Variants in PPP6R2 observed in about 807,000 individuals in gnomAD.
PPP6R2 encodes serine/threonine-protein phosphatase 6 regulatory subunit 2.
Under a neutral mutation model 100.2 loss-of-function variants are expected in PPP6R2, and 62 were observed. The observed-to-expected ratio is 0.62, with a 90% CI of 0.50 to 0.76. PPP6R2 has a LOEUF of 0.76. Among genes scored for constraint, PPP6R2 ranks in the 30% least tolerant of loss-of-function variants. PPP6R2 has a pLI of 0.00. For missense variants in PPP6R2, 1,142 were observed against 1,276.3 expected (o/e 0.89, Z 1.60); for synonymous variants, 525 against 514.7 (o/e 1.02, Z -0.27).
Position 50,391,701 on chromosome 22 carries a change from TG to T in PPP6R2, c.-16-2191del, listed in dbSNP as rs1314883399. 3.3e-5 allele frequency among the ~76,000 whole-genome samples: 4 copies of T among 122,560 alleles called. No homozygotes were observed. The East Asian group carries it at 8.9e-4, about 27-fold the overall frequency. 80.4% of individuals were successfully genotyped at this position (122,560 alleles called of 152,430 possible). On this transcript the variant is annotated intron_variant, in intron 2 of 23. Coordinates refer to ENST00000612753, the MANE Select transcript of PPP6R2 (RefSeq NM_001242898.2). ...GTTGAATTTATGTCTGGTATCTTGC[TG>T]TTTTTTTTTTTTATTTTGTCTCCTC...
At chr22:50,416,474 C>T (rs2060554928) in intron 6 of PPP6R2, among the ~76,000 whole-genome samples, 1 of 151,708 alleles carries the variant, frequency 6.6e-6, no homozygotes, top group South Asian at 2.1e-4. Flanking sequence ...CACACCCAGC[C>T]TCTAGGCTGT....
chr22:50,337,208 AGTGT>A, the PPP6R2 span, among the ~76,000 whole-genome samples: 66,324 of 133,030 alleles, frequency 0.5, 16,540 homozygotes, highest in African/African-American at 0.71. Flanking sequence ...GTGTGGGTAT[AGTGT>A]GTGTGGGGTA....
intron 3 of PPP6R2, among the ~76,000 whole-genome samples, chr22:50,398,166 CT>C (rs1203401826): frequency 2.0e-3 from 256 of 131,198 alleles, no homozygotes; most frequent in Middle Eastern, 4.2e-3. Flanking sequence ...GACTCCATCT[CT>C]TTTTTTTTTT....
chr22:50,440,168 C>A (rs1302100996), intron 21 of PPP6R2, 119 bp downstream of exon 21: 20 of 900,452 alleles, frequency 2.2e-5, no homozygotes, highest in Non-Finnish European at 3.2e-5. Context: ...GCTGCTACGT[C>A]TCTGGTGACA....
In PPP6R2 at chr22:50,394,035, A is replaced by G; in HGVS notation, c.127A>G (p.Lys43Glu). Residue 43 changes from lysine to glutamate, a missense_variant, in exon 3 of 24, where the codon AAG becomes GAG. Transcript: ENST00000612753. Reference sequence around the variant, plus strand: ...GCAGGAGTGTAAGGCTCAGAACCAGAAGCTGCTGGACTTCCTGTGCAGGCA... The same window carrying G: ...GCAGGAGTGTAAGGCTCAGAACCAGGAGCTGCTGGACTTCCTGTGCAGGCA... ...ILQECKAQNQ[K>E]LLDFLCRQQC... 1.2e-6 allele frequency: 2 copies of G among 1,614,192 alleles called. No individual in the cohort carries two copies. The highest frequency in any genetic ancestry group is 1.7e-6 in the Non-Finnish European group (2 of 1,180,034).
the PPP6R2 span, among the ~76,000 whole-genome samples, chr22:50,337,009 T>A: frequency 3.9e-5 from 6 of 152,192 alleles, no homozygotes; most frequent in African/African-American, 1.4e-4. Context: ...AAACTTTCCC[T>A]GTTGAAATCA....
chr22:50,416,261 C>G, intron 6 of PPP6R2, 104 bp downstream of exon 6: 20 of 999,214 alleles, frequency 2.0e-5, no homozygotes, highest in Non-Finnish European at 2.8e-5. Flanking sequence ...TCATCCCTTT[C>G]CTAAGATGAG....
chr22:50,339,145 G>C (rs1601853154), upstream of PPP6R2, among the ~76,000 whole-genome samples: 1 of 143,886 alleles, frequency 6.9e-6, no homozygotes, highest in Non-Finnish European at 1.5e-5. Flanking sequence ...TGTGGTTTGT[G>C]GTGTGTGTGT....
intron 12 of PPP6R2, among the ~76,000 whole-genome samples, chr22:50,432,740 CAT>C (rs2063400622): frequency 6.6e-6 from 1 of 152,252 alleles, no homozygotes; most frequent in Non-Finnish European, 1.5e-5. Context: ...GGTCAGGACA[CAT>C]GTCCCGCTTA....
upstream of PPP6R2, among the ~76,000 whole-genome samples, chr22:50,342,586 A>G (rs760155642): frequency 1.7e-4 from 25 of 149,244 alleles, no homozygotes; most frequent in Non-Finnish European, 3.1e-4. Flanking sequence ...AATCCTGGGC[A>G]ATACACTGAC....
chr22:50,400,299 C>T (rs925691505), intron 3 of PPP6R2, among the ~76,000 whole-genome samples: 1 of 152,234 alleles, frequency 6.6e-6, no homozygotes, highest in African/African-American at 2.4e-5. Context: ...ATGGCTTCTT[C>T]CTCTTCTTCG....
At chr22:50,332,874 T>G in the PPP6R2 span, among the ~76,000 whole-genome samples, 1 of 152,004 alleles carries the variant, frequency 6.6e-6, no homozygotes, top group Non-Finnish European at 1.5e-5. Flanking sequence ...CACCCGCCTC[T>G]GCCTCCCCAT....
intron 5 of PPP6R2, among the ~76,000 whole-genome samples, chr22:50,414,968 G>A (rs1028042788): frequency 5.3e-5 from 8 of 152,340 alleles, no homozygotes; most frequent in Admixed American, 2.0e-4. Flanking sequence ...GACTTTCCTC[G>A]CCTGCCTCCT....
chr22:50,436,334 C>T, intron 13 of PPP6R2, 33 bp from the exon 14 acceptor site: 1 of 1,551,178 alleles, frequency 6.4e-7, no homozygotes, highest in Non-Finnish European at 8.7e-7. Context: ...CACGGGGTCT[C>T]CCAGGGCTCA....
intron 3 of PPP6R2, among the ~76,000 whole-genome samples, chr22:50,396,273 G>A (rs1024736430): frequency 2.0e-5 from 3 of 147,538 alleles, no homozygotes; most frequent in Admixed American, 6.8e-5. Flanking sequence ...AAGGCGGGCA[G>A]ATCACGAGGT....
chr22:50,408,107 G>A (rs1283157071), intron 4 of PPP6R2, among the ~76,000 whole-genome samples: 3 of 152,056 alleles, frequency 2.0e-5, no homozygotes, highest in Non-Finnish European at 2.9e-5. Flanking sequence ...GGCTGGTTTC[G>A]AACTCTTGGG....
rs2148349309 is a variant in PPP6R2 at position 50,438,761 on chromosome 22, A to G, written c.2127A>G (p.Glu709=). 6.3e-7 allele frequency: 1 copy of G among 1,593,112 alleles called. No individual in the cohort carries two copies. Among genetic ancestry groups the G allele is most frequent in the Middle Eastern group, 1.7e-4 (1 of 6,026 alleles). Reference sequence around the variant, plus strand: ...CGCCCCCTGTGGAGGGTGACTCAGAAGGTGGTGCTGGGCGCCAGGGGCTGG... The same window carrying G: ...CGCCCCCTGTGGAGGGTGACTCAGAGGGTGGTGCTGGGCGCCAGGGGCTGG... ...KEAPPVEGDS[E]GAMWTAVFDE... The change falls in exon 19 of 24, where the codon GAA becomes GAG. Residue 709 remains glutamate (E), a splice_region_variant and synonymous_variant. Coordinates refer to ENST00000612753, the MANE Select transcript of PPP6R2 (RefSeq NM_001242898.2).
intron 2 of PPP6R2, among the ~76,000 whole-genome samples, chr22:50,382,440 T>C (rs1316342577): frequency 6.8e-6 from 1 of 147,508 alleles, no homozygotes; most frequent in Non-Finnish European, 1.5e-5. Flanking sequence ...CTACTAAAAA[T>C]ACAAAAACTA....
At chr22:50,336,695 G>A in the PPP6R2 span, among the ~76,000 whole-genome samples, 1 of 151,984 alleles carries the variant, frequency 6.6e-6, no homozygotes, top group Non-Finnish European at 1.5e-5. Flanking sequence ...CACCTGGCCT[G>A]TTCCTTCTTT....
Sources: gnomAD v4.1 joint callset for allele counts (sites outside exome capture counted in the v4.1 genomes callset) on GRCh38, gnomAD v4.1.1 for gene constraint, MANE v1.5 for transcripts, NCBI Gene and HGNC (gene_info 2026-07-23, HGNC 2026-07-21) for gene names.